Variants in ARL15 observed in about 807,000 individuals in gnomAD.
ARL15 encodes ARF like GTPase 15.
Under a neutral mutation model 25.2 loss-of-function variants are expected in ARL15, and 19 were observed. The observed-to-expected ratio is 0.75, with a 90% confidence interval of 0.53 to 1.10. The LOEUF (loss-of-function observed/expected upper bound fraction) is 1.10. Among genes scored for constraint, ARL15 ranks in the 50% least tolerant of loss-of-function variants. The pLI, the probability that ARL15 is intolerant of heterozygous loss-of-function variation, is 0.00. For synonymous variants in ARL15, 94 were observed against 86.8 expected (o/e 1.08, Z -0.46); for missense variants, 220 against 246.0 (o/e 0.89, Z 0.71).
intron 4 of ARL15, among the ~76,000 whole-genome samples, chr5:54,054,618 G>T (rs1205983122): frequency 6.6e-6 from 1 of 151,964 alleles, no homozygotes; most frequent in Non-Finnish European, 1.5e-5. Flanking sequence ...GTGAAACCCC[G>T]TCTCTACTAA....
chr5:54,305,227 C>T (rs747333402), intron 1 of ARL15, among the ~76,000 whole-genome samples: 1 of 152,106 alleles, frequency 6.6e-6, no homozygotes, highest in Non-Finnish European at 1.5e-5. Context: ...TGGCAGGGCA[C>T]GGTGGCTCAC....
chr5:53,969,233 G>A (rs879668486), intron 4 of ARL15, among the ~76,000 whole-genome samples: 1 of 152,070 alleles, frequency 6.6e-6, no homozygotes, highest in Non-Finnish European at 1.5e-5. Context: ...TACATAATAG[G>A]CATGCTTTGT....
intron 4 of ARL15, among the ~76,000 whole-genome samples, chr5:54,095,558 C>G (rs920983818): frequency 6.6e-6 from 1 of 152,116 alleles, no homozygotes; most frequent in Non-Finnish European, 1.5e-5. Flanking sequence ...ACAGAAATGG[C>G]TTTAGGTGTC....
At chr5:54,265,180 T>C (rs1039744314) in intron 1 of ARL15, among the ~76,000 whole-genome samples, 4 of 152,336 alleles carry the variant, frequency 2.6e-5, no homozygotes, top group Admixed American at 6.5e-5. Flanking sequence ...AACCCAACTC[T>C]TTTTGCTGAT....
At chr5:54,223,167 C>G (rs1756425560) in intron 1 of ARL15, among the ~76,000 whole-genome samples, 1 of 151,672 alleles carries the variant, frequency 6.6e-6, no homozygotes, top group Non-Finnish European at 1.5e-5. Flanking sequence ...GGGTAAATGT[C>G]CTCCCTCCTC....
intron 4 of ARL15, among the ~76,000 whole-genome samples, chr5:54,101,788 A>C (rs1437264786): frequency 4.6e-5 from 7 of 152,156 alleles, no homozygotes; most frequent in Non-Finnish European, 1.0e-4. Flanking sequence ...GCTTATTAAC[A>C]TAAGTCATTA....
At chr5:53,899,604 G>T (rs147423612) in intron 4 of ARL15, among the ~76,000 whole-genome samples, 111 of 151,800 alleles carry the variant, frequency 7.3e-4, no homozygotes, top group African/African-American at 2.5e-3. Flanking sequence ...CATTCTGTTG[G>T]ATCTCACCCC....
chr5:53,927,248 T>A (rs1246135343), intron 4 of ARL15, among the ~76,000 whole-genome samples: 1 of 152,168 alleles, frequency 6.6e-6, no homozygotes, highest in East Asian at 1.9e-4. Context: ...ATCAGCTTCA[T>A]GTTTCTGAAG....
chr5:54,140,426 A>T (rs563523711), intron 3 of ARL15, among the ~76,000 whole-genome samples: 5 of 117,950 alleles, frequency 4.2e-5, no homozygotes, highest in African/African-American at 1.4e-4. Context: ...ACAGATAGAT[A>T]GATAGATAGA....
intron 1 of ARL15, among the ~76,000 whole-genome samples, chr5:54,267,409 A>G (rs1757657810): frequency 6.6e-6 from 1 of 152,156 alleles, no homozygotes; most frequent in Non-Finnish European, 1.5e-5. Context: ...GTTTTAAAGC[A>G]ATGATCCTCG....
At chr5:54,005,731 C>G (rs11747901) in intron 4 of ARL15, among the ~76,000 whole-genome samples, 41,891 of 151,352 alleles carry the variant, frequency 0.28, 6,040 homozygotes, top group East Asian at 0.47. Flanking sequence ...GCGTGGTGGC[C>G]GGCGCCTGTA....
At chr5:54,203,035 T>C (rs1328162656) in intron 1 of ARL15, among the ~76,000 whole-genome samples, 1 of 152,126 alleles carries the variant, frequency 6.6e-6, no homozygotes, top group Non-Finnish European at 1.5e-5. Context: ...GGTTCCCTAT[T>C]TTCCATGTAC....
intron 4 of ARL15, among the ~76,000 whole-genome samples, chr5:53,966,987 T>A (rs1200877880): frequency 6.6e-6 from 1 of 152,166 alleles, no homozygotes; most frequent in East Asian, 1.9e-4. Context: ...TGCAGCCATA[T>A]AATAATGTCA....
chr5:53,940,047 C>G (rs568838994), intron 4 of ARL15, among the ~76,000 whole-genome samples: 48 of 150,678 alleles, frequency 3.2e-4, no homozygotes, highest in Non-Finnish European at 5.7e-4. Flanking sequence ...GGCGCGATCT[C>G]GGCTCACTGC....
At chr5:54,068,270 G>T (rs1448488638) in intron 4 of ARL15, among the ~76,000 whole-genome samples, 1 of 152,162 alleles carries the variant, frequency 6.6e-6, no homozygotes, top group Non-Finnish European at 1.5e-5. Flanking sequence ...GCAGAACAAA[G>T]AAGTTTTAGA....
intron 3 of ARL15, among the ~76,000 whole-genome samples, chr5:54,117,764 T>C (rs930142829): frequency 2.0e-5 from 3 of 152,170 alleles, no homozygotes; most frequent in Non-Finnish European, 4.4e-5. Flanking sequence ...CAGATTTGAC[T>C]GTTTGATAGA....
chr5:54,047,742 C>T (rs1437653405), intron 4 of ARL15, among the ~76,000 whole-genome samples: 1 of 152,196 alleles, frequency 6.6e-6, no homozygotes, highest in African/African-American at 2.4e-5. Context: ...ATAAATTCTT[C>T]CACGGTTGAA....
chr5:54,277,244 A>G (rs1355439352), intron 1 of ARL15, among the ~76,000 whole-genome samples: 1 of 152,072 alleles, frequency 6.6e-6, no homozygotes, highest in Non-Finnish European at 1.5e-5. Flanking sequence ...CTGTAATCAC[A>G]AAGGTAGCTC....
intron 1 of ARL15, among the ~76,000 whole-genome samples, chr5:54,232,530 C>A (rs1426119729): frequency 6.6e-6 from 1 of 152,030 alleles, no homozygotes; most frequent in East Asian, 1.9e-4. Context: ...TGAAAGGCTG[C>A]ACAGGAGAAA....
Sources: allele counts gnomAD v4.1 joint callset (sites outside exome capture counted in the v4.1 genomes callset), GRCh38; gene constraint gnomAD v4.1.1; transcripts MANE v1.5; gene names NCBI Gene and HGNC (gene_info 2026-07-23, HGNC 2026-07-21).